CASR: variants seen among roughly 807,000 people sequenced by gnomAD.
The protein encoded by CASR is extracellular calcium-sensing receptor.
In CASR, 23 loss-of-function variants were observed where a neutral mutation model predicts 69.1. The ratio of observed to expected loss-of-function variants is 0.33; its 90% CI spans 0.24 to 0.47. CASR has a LOEUF of 0.47. Ranked by LOEUF, CASR falls within the 20% of genes least tolerant of loss-of-function variation. CASR has a pLI of 1.00. For missense variants in CASR, 924 were observed against 1,356.1 expected (o/e 0.68, Z 5.00); for synonymous variants, 541 against 544.7 (o/e 0.99, Z 0.10).
chr3:122,266,026 G>A (rs1482018675), intron 4 of CASR, among the ~76,000 whole-genome samples: 3 of 152,104 alleles, frequency 2.0e-5, no homozygotes, highest in Admixed American at 6.5e-5. Flanking sequence ...CACAGGAACT[G>A]GGCAAGATAA....
rs763403655 is a variant in CASR, at chr3:122,290,309, T to C, written c.*5118T>C. The C allele has an allele frequency of 1.3e-5, 2 of 152,130 alleles. No homozygotes were observed. The highest frequency in any genetic ancestry group is 2.9e-5 in the Non-Finnish European group (2 of 68,008). 9.4% of individuals were successfully genotyped at this position (152,130 alleles called of 1,614,324 possible). ...TAGGTAAGAGATCAAAGCCCAAGAA[T>C]AAACCCTGGGGTCATTACAGGATTT... On this transcript the variant is annotated 3_prime_UTR_variant, in exon 7 of 7. Coordinates refer to ENST00000639785, the MANE Select transcript of CASR (RefSeq NM_000388.4).
In CASR at chr3:122,284,275, G is replaced by C. The variant is rs2074936233; in HGVS notation, c.2321G>C (p.Gly774Ala). 6.2e-7 allele frequency: 1 copy of C among 1,614,012 alleles called. No homozygotes were observed. Among genetic ancestry groups the C allele is most frequent in the South Asian group, 1.1e-5 (1 of 91,086 alleles). ...TCHEGSLMAL[G>A]FLIGYTCLLA... ...CACGAGGGCTCCCTCATGGCCCTGG[G>C]CTTCCTGATCGGCTACACCTGCCTG... Residue 774 changes from glycine to alanine, a missense_variant, in exon 7 of 7, where the codon GGC (glycine) becomes GCC (alanine). This residue lies in a region of CASR where 184 missense variants were observed against 278.8 expected (regional missense o/e 0.66). Transcript: ENST00000639785.
intron 1 of CASR, among the ~76,000 whole-genome samples, chr3:122,200,334 T>C (rs2073934818): frequency 6.6e-6 from 1 of 152,156 alleles, no homozygotes; most frequent in Admixed American, 6.5e-5. Context: ...CAGTACCCCA[T>C]AAAATGTATA....
intron 5 of CASR, 44 bp from the exon 6 acceptor site, chr3:122,282,069 C>T (rs1465444390): frequency 3.1e-6 from 5 of 1,614,068 alleles, no homozygotes; most frequent in Non-Finnish European, 4.2e-6. Flanking sequence ...TGGCCCCTGA[C>T]CCTACAACTA....
chr3:122,280,968 T>C (rs923664287), intron 5 of CASR, among the ~76,000 whole-genome samples: 2 of 152,346 alleles, frequency 1.3e-5, no homozygotes. Flanking sequence ...GATACATTTC[T>C]TGTCTTTGAA....
In CASR at chr3:122,252,397, A is replaced by AGGAG. The variant is rs2074497620; in HGVS notation, c.-242-1548_-242-1547insGGGA. Among the ~76,000 whole-genome samples, 5 of 16,414 alleles carry AGGAG rather than the reference A, an allele frequency of 3.0e-4. No homozygotes were observed. In the South Asian group the frequency reaches 6.5e-3, roughly 21 times the overall value. The allele number at this position is 16,414 out of a possible 152,430, so 10.8% of individuals were successfully genotyped here. A position where few individuals can be genotyped will look rare whatever the true frequency, so the allele number is the denominator to read the frequency against. ...AAGGAAGGAAGGAAGGAAGGAAGGA[A>AGGAG]GGAAGGAAGGAAAAAGAAAGAAAGA... On this transcript the variant is annotated intron_variant, in intron 1 of 6. Coordinates refer to ENST00000639785, the MANE Select transcript of CASR (RefSeq NM_000388.4).
chr3:122,253,872 C>T, intron 1 of CASR, 76 bp from the exon 2 acceptor site: 2 of 359,136 alleles, frequency 5.6e-6, no homozygotes, highest in South Asian at 5.5e-5. Flanking sequence ...AAATTCTGAG[C>T]CACCTTAGTT....
intron 1 of CASR, among the ~76,000 whole-genome samples, chr3:122,225,055 C>T (rs1302387485): frequency 6.6e-6 from 1 of 152,096 alleles, no homozygotes; most frequent in East Asian, 1.9e-4. Flanking sequence ...TCACCATATA[C>T]AAAAATTATC....
At chr3:122,216,005 A>G (rs879658416) in intron 1 of CASR, among the ~76,000 whole-genome samples, 6 of 152,218 alleles carry the variant, frequency 3.9e-5, no homozygotes, top group Non-Finnish European at 7.3e-5. Context: ...CTCATCTTTA[A>G]TGGGGTGTTC....
At chr3:122,218,223 T>A (rs1309050036) in intron 1 of CASR, among the ~76,000 whole-genome samples, 1 of 151,754 alleles carries the variant, frequency 6.6e-6, no homozygotes, top group Non-Finnish European at 1.5e-5. Context: ...GCCATAGTGG[T>A]AGAGCTGAAA....
At chr3:122,283,121 G>A (rs2074913197) in intron 6 of CASR, among the ~76,000 whole-genome samples, 1 of 152,208 alleles carries the variant, frequency 6.6e-6, no homozygotes, top group Non-Finnish European at 1.5e-5. Flanking sequence ...GATCTAAAAG[G>A]AAGTCTGCTC....
Position 122,284,739 on chromosome 3 carries a change from A to G in CASR, c.2785A>G (p.Arg929Gly). The G allele has an allele frequency of 5.0e-6, 8 of 1,614,146 alleles. No individual in the cohort carries two copies. Among genetic ancestry groups the G allele is most frequent in the Non-Finnish European group, 6.8e-6 (8 of 1,180,002 alleles). Residue 929 changes from arginine (R) to glycine (G), a missense_variant, in exon 7 of 7, where the codon AGG (arginine) becomes GGG (glycine). Transcript: ENST00000639785. ...CGAAGACCCATTCCCACAGCCCGAG[A>G]GGCAGAAGCAGCAGCAGCCGCTGGC... ...NSEDPFPQPE[R>G]QKQQQPLALT...
At chr3:122,254,540 T>C (rs1256476091) in intron 2 of CASR, among the ~76,000 whole-genome samples, 166 bp downstream of exon 2, 1 of 152,222 alleles carries the variant, frequency 6.6e-6, no homozygotes, top group East Asian at 1.9e-4. Flanking sequence ...GCCTTTTTTT[T>C]CCTGAAGACT....
intron 1 of CASR, among the ~76,000 whole-genome samples, chr3:122,189,020 T>G (rs1304588340): frequency 6.6e-6 from 1 of 152,230 alleles, no homozygotes; most frequent in Non-Finnish European, 1.5e-5. Flanking sequence ...AAGTGCTGAT[T>G]AAGGGTGTGC....
intron 1 of CASR, among the ~76,000 whole-genome samples, chr3:122,248,693 G>A (rs2074452834): frequency 6.7e-6 from 1 of 148,564 alleles, no homozygotes. Flanking sequence ...GTGATTTTAT[G>A]TTCAGAAGGT....
intron 4 of CASR, among the ~76,000 whole-genome samples, chr3:122,271,069 T>G (rs531714962): frequency 9.2e-5 from 14 of 152,222 alleles, no homozygotes; most frequent in Non-Finnish European, 2.1e-4. Context: ...TTCTGCCTAC[T>G]TCTTTCAGCT....
At chr3:122,234,343 C>T (rs1382950746) in intron 1 of CASR, among the ~76,000 whole-genome samples, 1 of 152,170 alleles carries the variant, frequency 6.6e-6, no homozygotes, top group Non-Finnish European at 1.5e-5. Flanking sequence ...TAAAAACAAG[C>T]ACACCAGATT....
chr3:122,271,748 G>A (rs1158442625), intron 4 of CASR, among the ~76,000 whole-genome samples: 1 of 152,080 alleles, frequency 6.6e-6, no homozygotes. Context: ...TCCTCTAACT[G>A]TCACTCCCTA....
chr3:122,261,784 A>G lies in CASR; in HGVS notation c.749A>G (p.Glu250Gly), dbSNP rs1256348744. 1 of 1,614,246 alleles carries G rather than the reference A, an allele frequency of 6.2e-7. No individual in the cohort carries two copies. The highest frequency in any genetic ancestry group is 1.7e-5 in the Admixed American group (1 of 60,036). ...CTCATCTCCCAGTACTCTGATGAGGAAGAGATCCAGCATGTGGTAGAGGTG... is the reference window on the plus strand; with the variant it reads ...CTCATCTCCCAGTACTCTGATGAGGGAGAGATCCAGCATGTGGTAGAGGTG... ...SELISQYSDEEEIQHVVEVIQ... is the reference protein window; with the variant it reads ...SELISQYSDEGEIQHVVEVIQ... The change falls in exon 4 of 7, where the codon GAA (glutamate) becomes GGA (glycine). Residue 250 changes from glutamate to glycine, a missense_variant. Physicochemically the swap from Glu to Gly is moderately conservative, Grantham distance 98. This residue lies in a region of CASR where 310 missense variants were observed against 395.7 expected (regional missense o/e 0.78). Transcript: ENST00000639785.
Sources: gnomAD v4.1 joint callset for allele counts (sites outside exome capture counted in the v4.1 genomes callset) on GRCh38, gnomAD v4.1.1 for gene constraint, gnomAD v4.1.1 regional missense constraint, MANE v1.5 for transcripts, NCBI Gene and HGNC (gene_info 2026-07-23, HGNC 2026-07-21) for gene names.